Variants in ARHGAP18 observed in about 807,000 individuals in gnomAD.
ARHGAP18 encodes the protein Rho GTPase activating protein 18.
A neutral mutation model predicts 86.2 loss-of-function variants in ARHGAP18; 67 were observed. That is an observed-to-expected ratio of 0.78 (90% CI 0.64 to 0.95). The LOEUF is 0.95. ARHGAP18 is among the 40% of genes least tolerant of loss of function. The pLI is 0.00. For missense variants in ARHGAP18, 691 were observed against 780.4 expected (o/e 0.89, Z 1.37); for synonymous variants, 283 against 280.4 (o/e 1.01, Z -0.09).
At chr6:129,582,892 C>T (rs1385948044) in intron 13 of ARHGAP18, among the ~76,000 whole-genome samples, 2 of 152,220 alleles carry the variant, frequency 1.3e-5, no homozygotes, top group Non-Finnish European at 2.9e-5. Context: ...TTTACACTGG[C>T]TTATTGAAGC....
chr6:129,695,383 GAAACAGGGATCT>G (rs1774598811), intron 1 of ARHGAP18, among the ~76,000 whole-genome samples: 1 of 92,124 alleles, frequency 1.1e-5, no homozygotes, highest in Non-Finnish European at 2.2e-5. Flanking sequence ...ACACAATTTT[GAAACAGGGATCT>G]AAACCCAATT....
chr6:129,676,238 T>C (rs1049568365), intron 1 of ARHGAP18, among the ~76,000 whole-genome samples: 1 of 152,170 alleles, frequency 6.6e-6, no homozygotes, highest in South Asian at 2.1e-4. Flanking sequence ...GTAGCAAAAG[T>C]AGTCAATGTC....
In ARHGAP18 at chr6:129,609,921, G is replaced by A. The variant is rs1788943223; in HGVS notation, c.1122+1612C>T. 2.0e-5 allele frequency among the ~76,000 whole-genome samples: 3 copies of A among 151,240 alleles called. No individual in the cohort carries two copies. The South Asian group carries it at 6.2e-4, about 31-fold the overall frequency. On this transcript the variant is annotated intron_variant, in intron 8 of 14. Transcript: ENST00000368149. ...TGATGCAAACTGTGAAATGTATAAA[G>A]AGTAATTCCAATCCTGGCAACACCA...
chr6:129,629,809 A>G (rs1313929926), intron 4 of ARHGAP18, among the ~76,000 whole-genome samples: 1 of 152,198 alleles, frequency 6.6e-6, no homozygotes, highest in Admixed American at 6.6e-5. Context: ...GGAAGATAGT[A>G]AACTTTTAAT....
At position 129,600,697 on chromosome 6, in the gene ARHGAP18, G is replaced by T. The variant is rs779199736; in HGVS notation, c.1517C>A (p.Ala506Asp). ...SSEQREFVMA[A>D]GTANTMHLLI... The stretch of plus-strand genomic sequence containing the variant: ...TAAGTGCATGGTATTTGCTGTCCCA[G>T]CTGCCATTACAAATTCTCGCTGTTC... Residue 506 changes from alanine (A) to aspartate (D), a missense_variant, in exon 11 of 15, where the codon GCT becomes GAT. Transcript: ENST00000368149. 6.2e-7 allele frequency: 1 copy of T among 1,613,650 alleles called. No individual in the cohort carries two copies. The highest frequency in any genetic ancestry group is 1.7e-5 in the Admixed American group (1 of 59,918).
chr6:129,601,312 A>G (rs1788737548), intron 10 of ARHGAP18, among the ~76,000 whole-genome samples: 1 of 152,162 alleles, frequency 6.6e-6, no homozygotes, highest in African/African-American at 2.4e-5. Flanking sequence ...TGGAACTTAT[A>G]AAGAATGAGC....
At chr6:129,676,332 G>T (rs1774230035) in intron 1 of ARHGAP18, among the ~76,000 whole-genome samples, 1 of 152,050 alleles carries the variant, frequency 6.6e-6, no homozygotes, top group Admixed American at 6.6e-5. Context: ...GAGTTGCAGA[G>T]GGGGGGCAAC....
At chr6:129,657,460 T>C (rs1006677823) in intron 1 of ARHGAP18, among the ~76,000 whole-genome samples, 1 of 150,892 alleles carries the variant, frequency 6.6e-6, no homozygotes, top group Non-Finnish European at 1.5e-5. Flanking sequence ...TTAATACATG[T>C]TGGGCCAGAC....
At chr6:129,596,298 T>C (rs962558798) in intron 12 of ARHGAP18, among the ~76,000 whole-genome samples, 3 of 152,126 alleles carry the variant, frequency 2.0e-5, no homozygotes, top group Non-Finnish European at 4.4e-5. Flanking sequence ...TTAAGGTAAG[T>C]TCCTGTCTTA....
intron 12 of ARHGAP18, among the ~76,000 whole-genome samples, chr6:129,590,659 C>T (rs1788490468): frequency 6.6e-6 from 1 of 152,194 alleles, no homozygotes; most frequent in Non-Finnish European, 1.5e-5. Context: ...GTCATTTTGA[C>T]TCATTTCACA....
chr6:129,625,921 G>GATATTTATATATTATATATTAT (rs1562698628), intron 5 of ARHGAP18, among the ~76,000 whole-genome samples: 14 of 47,614 alleles, frequency 2.9e-4, no homozygotes, highest in African/African-American at 1.0e-3. Flanking sequence ...ATATATTATA[G>GATATTTATATATTATATATTAT]ATATTTATAT....
intron 12 of ARHGAP18, among the ~76,000 whole-genome samples, chr6:129,590,348 A>G (rs1265986247): frequency 6.6e-6 from 1 of 152,182 alleles, no homozygotes; most frequent in African/African-American, 2.4e-5. Flanking sequence ...AAAGCACCAC[A>G]TCTGACCCAG....
Position 129,607,984 on chromosome 6 carries a change from A to G in ARHGAP18, c.1191T>C (p.His397=), listed in dbSNP as rs1788888807. 2 of 1,603,498 alleles carry G rather than the reference A, an allele frequency of 1.2e-6. No individual in the cohort carries two copies. The highest frequency in any genetic ancestry group is 1.1e-5 in the South Asian group (1 of 90,876). The change falls in exon 9 of 15, where the codon CAT becomes CAC. Residue 397 remains histidine (H), a synonymous_variant. Transcript: ENST00000368149. ...GTFNWESVKQ[H]DAASLLKLFI... is the part of the protein sequence containing the mutation. Reference sequence around the variant, plus strand: ...AGAGCTTCAGCAGGCTGGCGGCATCATGCTGTTTGACACTTTCCCAATTAA... The same window carrying G: ...AGAGCTTCAGCAGGCTGGCGGCATCGTGCTGTTTGACACTTTCCCAATTAA...
chr6:129,647,897 G>C (rs990994495), intron 1 of ARHGAP18, among the ~76,000 whole-genome samples: 1 of 152,066 alleles, frequency 6.6e-6, no homozygotes, highest in East Asian at 1.9e-4. Flanking sequence ...TGATAGAATC[G>C]AGATTAATGC....
rs1295176727 is a variant in ARHGAP18 at position 129,625,033 on chromosome 6, ATATTTATATAATATATATGAT to A, written c.786+4299_786+4319del. Among the ~76,000 whole-genome samples, 5 of 76,414 alleles carry A rather than the reference ATATTTATATAATATATATGAT, an allele frequency of 6.5e-5. 1 individual carries two copies. Among genetic ancestry groups the A allele is most frequent in the Admixed American group, 1.6e-4 (1 of 6,120 alleles). The allele number at this position is 76,414 out of a possible 152,430, so 50.1% of individuals were successfully genotyped here. On this transcript the variant is annotated intron_variant, in intron 5 of 14. Coordinates refer to ENST00000368149, the MANE Select transcript of ARHGAP18 (RefSeq NM_033515.3). ...ATATAATATATATGATATATGATATATATTTATATAATATATATGATTGATATATATTTATATATAATATAT... is the reference window on the plus strand; with the variant it reads ...ATATAATATATATGATATATGATATATGATATATATTTATATATAATATAT...
intron 10 of ARHGAP18, among the ~76,000 whole-genome samples, chr6:129,604,661 ACACTC>A (rs1361850145): frequency 2.0e-4 from 31 of 152,342 alleles, no homozygotes; most frequent in African/African-American, 7.5e-4. Context: ...CCCTGGGCAC[ACACTC>A]TTTGAATATA....
intron 8 of ARHGAP18, 82 bp downstream of exon 8, chr6:129,611,451 G>T: frequency 1.7e-6 from 2 of 1,158,464 alleles, no homozygotes; most frequent in Middle Eastern, 2.0e-4. Flanking sequence ...GAAAAAAGGG[G>T]TAGAGAGGAC....
Position 129,644,209 on chromosome 6 carries a change from G to C in ARHGAP18, c.114-2191C>G, listed in dbSNP as rs9372944. Among the ~76,000 whole-genome samples the C allele has an allele frequency of 4.6e-5, 7 of 151,776 alleles. No individual in the cohort carries two copies. The South Asian group carries it at 1.5e-3, about 32-fold the overall frequency. ...TGCCTTCTTCATCCCTTAATTCAAGGGGTACTTCCTCCTTCCCTGGCCTCA... is the reference window on the plus strand; with the variant it reads ...TGCCTTCTTCATCCCTTAATTCAAGCGGTACTTCCTCCTTCCCTGGCCTCA... On this transcript the variant is annotated intron_variant, in intron 1 of 14. Coordinates refer to ENST00000368149, the MANE Select transcript of ARHGAP18 (RefSeq NM_033515.3).
At chr6:129,702,536 G>A (rs1774732426) in intron 1 of ARHGAP18, among the ~76,000 whole-genome samples, 1 of 152,174 alleles carries the variant, frequency 6.6e-6, no homozygotes, top group African/African-American at 2.4e-5. Context: ...CCTACAGCAG[G>A]GTTCAGGAGA....
Sources: allele counts gnomAD v4.1 joint callset (sites outside exome capture counted in the v4.1 genomes callset), GRCh38; gene constraint gnomAD v4.1.1; transcripts MANE v1.5; gene names NCBI Gene and HGNC (gene_info 2026-07-23, HGNC 2026-07-21).